The following AFMID variants were observed in gnomAD, a reference collection of about 807,000 sequenced individuals.
The protein encoded by AFMID is arylformamidase, also known as kynurenine formamidase.
AFMID carries 39 observed loss-of-function variants against 47.5 expected under a neutral mutation model. The observed-to-expected ratio is 0.82, with a 90% CI of 0.64 to 1.07. The LOEUF is 1.07. Among genes scored for constraint, AFMID ranks in the 50% least tolerant of loss-of-function variants. The pLI, the probability that AFMID is intolerant of heterozygous loss-of-function variation, is 0.00. For synonymous variants in AFMID, 130 were observed against 153.2 expected (o/e 0.85, Z 1.12); for missense variants, 375 against 387.5 (o/e 0.97, Z 0.27).
chr17:78,188,772 T>C (rs143471277), intron 1 of AFMID, among the ~76,000 whole-genome samples: 1 of 152,266 alleles, frequency 6.6e-6, no homozygotes, highest in East Asian at 1.9e-4. Flanking sequence ...AATTTTTTTG[T>C]ATTTTTAGTA....
chr17:78,207,270 CTTCTTT>C lies in AFMID; in HGVS notation c.*336_*341del. ...ATGACGCTCAAAAGTAATGCCATTACTTCTTTTTTTTTTTTTTTTTTTTTTTTTTTT... is the reference window on the plus strand; with the variant it reads ...ATGACGCTCAAAAGTAATGCCATTACTTTTTTTTTTTTTTTTTTTTTTTTT... On this transcript the variant is annotated 3_prime_UTR_variant, in exon 11 of 11. Coordinates refer to ENST00000409257, the MANE Select transcript of AFMID (RefSeq NM_001010982.5). 4 of 145,790 alleles carry C rather than the reference CTTCTTT, an allele frequency of 2.7e-5. No individual in the cohort carries two copies. The highest frequency in any genetic ancestry group is 5.0e-5 in the Non-Finnish European group (4 of 79,244). 9.0% of individuals were successfully genotyped at this position (145,790 alleles called of 1,614,324 possible). A position where few individuals can be genotyped will look rare whatever the true frequency, so the allele number is the denominator to read the frequency against.
At chr17:78,202,642 G>T (rs1323855199) in intron 3 of AFMID, 39 bp downstream of exon 3, 1 of 1,586,172 alleles carries the variant, frequency 6.3e-7, no homozygotes, top group East Asian at 2.3e-5. Flanking sequence ...GGGCTTGGGG[G>T]TCCAGTGGCA....
intron 1 of AFMID, among the ~76,000 whole-genome samples, chr17:78,188,460 C>T (rs1361117912): frequency 6.6e-6 from 1 of 152,186 alleles, no homozygotes; most frequent in Non-Finnish European, 1.5e-5. Context: ...CGCTCAGTCA[C>T]CCAGGCTGGA....
rs1201022760 is a variant in AFMID at position 78,205,474 on chromosome 17, G to C, written c.600G>C (p.Glu200Asp). The C allele has an allele frequency of 1.2e-6, 2 of 1,614,188 alleles. No individual in the cohort carries two copies. The highest frequency in any genetic ancestry group is 2.2e-5 in the East Asian group (1 of 44,882). ...TGGTGAGTGGGGTCTTTGACCTGGA[G>C]CCCATCGTGTATACTTCACAGAACG... ...FFLVSGVFDL[E>D]PIVYTSQNVA... Residue 200 changes from glutamate to aspartate, a missense_variant, in exon 8 of 11, where the codon GAG (glutamate) becomes GAC (aspartate). Physicochemically the swap from Glu to Asp is conservative, Grantham distance 45. Transcript: ENST00000409257.
intron 2 of AFMID, among the ~76,000 whole-genome samples, chr17:78,193,915 G>C (rs1251920306): frequency 6.6e-6 from 1 of 150,426 alleles, no homozygotes; most frequent in South Asian, 2.1e-4. Flanking sequence ...GGTGGAGCTT[G>C]CAGTGAGCTG....
intron 2 of AFMID, among the ~76,000 whole-genome samples, chr17:78,197,905 C>T (rs2076152989): frequency 6.6e-6 from 1 of 152,000 alleles, no homozygotes; most frequent in Non-Finnish European, 1.5e-5. Context: ...ACGCTTGAGC[C>T]CAGGAGTTCG....
intron 2 of AFMID, chr17:78,192,753 G>C: frequency 2.3e-6 from 1 of 427,700 alleles, no homozygotes; most frequent in Non-Finnish European, 5.0e-6. Flanking sequence ...ATCCGTGCTG[G>C]GATGGGGAGC....
At chr17:78,187,960 C>CAAAAAAAAAAAAAAA (rs34018698) in intron 1 of AFMID, among the ~76,000 whole-genome samples, 28 of 56,678 alleles carry the variant, frequency 4.9e-4, no homozygotes, top group East Asian at 1.9e-3. Context: ...GACTTAGTCT[C>CAAAAAAAAAAAAAAA]AAAAAAAAAA....
chr17:78,190,750 G>A (rs1008574765), intron 1 of AFMID: 28 of 502,352 alleles, frequency 5.6e-5, no homozygotes, highest in South Asian at 2.1e-4. Flanking sequence ...AACTGAATTC[G>A]TTTGGGGGAC....
At chr17:78,199,458 C>T (rs1271782811) in intron 2 of AFMID, among the ~76,000 whole-genome samples, 1 of 152,022 alleles carries the variant, frequency 6.6e-6, no homozygotes, top group Admixed American at 6.6e-5. Context: ...TCGCTGCAAC[C>T]TCTGCTTCCT....
At chr17:78,196,287 C>T (rs2076111646) in intron 2 of AFMID, among the ~76,000 whole-genome samples, 1 of 152,194 alleles carries the variant, frequency 6.6e-6, no homozygotes, top group Non-Finnish European at 1.5e-5. Context: ...ATTGCTTGAA[C>T]TCAGGAGGCA....
At chr17:78,199,344 T>A (rs2076190522) in intron 2 of AFMID, among the ~76,000 whole-genome samples, 1 of 152,050 alleles carries the variant, frequency 6.6e-6, no homozygotes, top group Admixed American at 6.6e-5. Context: ...GCAGAATGAA[T>A]CACCCACCCG....
At position 78,206,787 on chromosome 17, in the gene AFMID, C is replaced by T; in HGVS notation, c.886-124C>T. The T allele has an allele frequency of 3.0e-6, 3 of 1,011,336 alleles. No homozygotes were observed. The South Asian group carries it at 3.9e-5, about 13-fold the overall frequency. 62.6% of individuals were successfully genotyped at this position (1,011,336 alleles called of 1,614,324 possible). On this transcript the variant is annotated intron_variant, in intron 10 of 10. Coordinates refer to ENST00000409257, the MANE Select transcript of AFMID (RefSeq NM_001010982.5). ...GTTCAAGTGATCTTCCCACCTCAGC[C>T]TCCCGAAGGGTTGGGGTTGCAGACG...
rs910058955 is a variant in AFMID, at chr17:78,202,309, G to A, written c.155-190G>A. On this transcript the variant is annotated intron_variant, in intron 2 of 10. Coordinates refer to ENST00000409257, the MANE Select transcript of AFMID (RefSeq NM_001010982.5). ...CTGGGCATAGTGGCGTGCACCTGTA[G>A]TCCCAGCTACTTGGGAGGCTGAGGC... 3.3e-5 allele frequency among the ~76,000 whole-genome samples: 5 copies of A among 151,788 alleles called. No individual in the cohort carries two copies. The East Asian group carries it at 9.8e-4, about 30-fold the overall frequency.
At chr17:78,191,864 A>C (rs985231401) in intron 2 of AFMID, among the ~76,000 whole-genome samples, 2 of 149,028 alleles carry the variant, frequency 1.3e-5, no homozygotes, top group Non-Finnish European at 3.0e-5. Context: ...TGATTTTTGT[A>C]TTTTTAGTAG....
intron 2 of AFMID, among the ~76,000 whole-genome samples, chr17:78,197,901 G>T (rs1006678892): frequency 6.6e-6 from 1 of 152,124 alleles, no homozygotes; most frequent in Non-Finnish European, 1.5e-5. Flanking sequence ...GAGGACGCTT[G>T]AGCCCAGGAG....
rs775162538 is a variant in AFMID at position 78,205,151 on chromosome 17, G to A, written c.526G>A (p.Ala176Thr). 2 of 1,613,004 alleles carry A rather than the reference G, an allele frequency of 1.2e-6. No homozygotes were observed. The highest frequency in any genetic ancestry group is 1.7e-6 in the Non-Finnish European group (2 of 1,179,602). ...GAHLAAMMLL[A>T]DWTKHGVTPN... Reference sequence around the variant, plus strand: ...CCACCTGGCTGCCATGATGCTCCTGGCCGACTGGACCAAGCATGGGGTCAC... The same window carrying A: ...CCACCTGGCTGCCATGATGCTCCTGACCGACTGGACCAAGCATGGGGTCAC... Residue 176 changes from alanine to threonine, a missense_variant, in exon 7 of 11, where the codon GCC (alanine) becomes ACC (threonine). Ala to Thr is a moderately conservative substitution (Grantham distance 58). Coordinates refer to ENST00000409257, the MANE Select transcript of AFMID (RefSeq NM_001010982.5).
intron 2 of AFMID, among the ~76,000 whole-genome samples, chr17:78,196,026 G>T (rs1045197200): frequency 8.6e-5 from 13 of 152,016 alleles, no homozygotes; most frequent in African/African-American, 2.9e-4. Flanking sequence ...TTTGAATAGA[G>T]ACGGGGTTTC....
rs1360702952 is a variant in AFMID at position 78,190,969 on chromosome 17, G to T, written c.64-1G>T. Reference sequence around the variant, plus strand: ...CGGAGCCTCATGTTTGTGCCCTGCAGGAGCTGGAGAATCAGTACTGTCCCA... The same window carrying T: ...CGGAGCCTCATGTTTGTGCCCTGCATGAGCTGGAGAATCAGTACTGTCCCA... On this transcript the variant is annotated splice_acceptor_variant, in intron 1 of 10. Transcript: ENST00000409257. LOFTEE classifies it high-confidence loss of function. The T allele has an allele frequency of 1.9e-6, 3 of 1,613,502 alleles. 1 individual carries two copies. The highest frequency in any genetic ancestry group is 2.5e-6 in the Non-Finnish European group (3 of 1,179,922).
Sources: gnomAD v4.1 joint callset for allele counts (sites outside exome capture counted in the v4.1 genomes callset) on GRCh38, gnomAD v4.1.1 for gene constraint, MANE v1.5 for transcripts, NCBI Gene and HGNC (gene_info 2026-07-23, HGNC 2026-07-21) for gene names.